The following AUTS2 variants were observed in gnomAD, a reference collection of about 807,000 sequenced individuals.
AUTS2 encodes the protein autism susceptibility gene 2 protein.
A neutral mutation model predicts 112.4 loss-of-function variants in AUTS2; 17 were observed. The ratio of observed to expected loss-of-function variants is 0.15; its 90% CI spans 0.10 to 0.23. The LOEUF (loss-of-function observed/expected upper bound fraction) is 0.23. Among genes scored for constraint, AUTS2 ranks in the 10% least tolerant of loss-of-function variants. The probability of loss-of-function intolerance (pLI) is 1.00; values close to 1 mark genes in which losing one functional copy is unlikely to be tolerated. For missense variants in AUTS2, 1,510 were observed against 1,701.6 expected (o/e 0.89, Z 1.98); for synonymous variants, 751 against 702.7 (o/e 1.07, Z -1.09).
At chr7:70,681,380 G>C (rs1394342046) in intron 5 of AUTS2, among the ~76,000 whole-genome samples, 1 of 152,118 alleles carries the variant, frequency 6.6e-6, no homozygotes, top group Non-Finnish European at 1.5e-5. Context: ...CTGTCACTTG[G>C]AGTCATTCAG....
intron 1 of AUTS2, among the ~76,000 whole-genome samples, chr7:69,811,438 A>G (rs963367909): frequency 6.6e-6 from 1 of 152,048 alleles, no homozygotes; most frequent in Non-Finnish European, 1.5e-5. Flanking sequence ...TACCCTGAAT[A>G]TCTGAATCCA....
intron 5 of AUTS2, among the ~76,000 whole-genome samples, chr7:70,692,635 C>T (rs1246977757): frequency 6.6e-6 from 1 of 152,082 alleles, no homozygotes; most frequent in African/African-American, 2.4e-5. Flanking sequence ...TTTAAAAAGA[C>T]TTGTATAACA....
At chr7:70,384,638 TC>T (rs748385096) in intron 4 of AUTS2, among the ~76,000 whole-genome samples, 3 of 152,208 alleles carry the variant, frequency 2.0e-5, no homozygotes, top group Admixed American at 6.5e-5. Flanking sequence ...TTGAGGGCTT[TC>T]CTTTGTGCCT....
intron 5 of AUTS2, among the ~76,000 whole-genome samples, chr7:70,547,323 C>T (rs1206004073): frequency 1.3e-5 from 2 of 152,154 alleles, no homozygotes; most frequent in African/African-American, 2.4e-5. Context: ...GGCGCAATCT[C>T]GGCTCACTGC....
chr7:70,738,683 G>A (rs903267380), intron 6 of AUTS2, among the ~76,000 whole-genome samples: 1 of 152,128 alleles, frequency 6.6e-6, no homozygotes, highest in African/African-American at 2.4e-5. Context: ...AATCCCGGAG[G>A]AGCGGTGACA....
At chr7:70,721,043 C>T (rs571968441) in intron 6 of AUTS2, among the ~76,000 whole-genome samples, 2 of 151,922 alleles carry the variant, frequency 1.3e-5, no homozygotes, top group Admixed American at 6.6e-5. Context: ...AAAACATTTG[C>T]TTTTCTTCAA....
At chr7:70,324,251 G>GC (rs1409053813) in intron 4 of AUTS2, among the ~76,000 whole-genome samples, 4 of 152,308 alleles carry the variant, frequency 2.6e-5, no homozygotes, top group Non-Finnish European at 5.9e-5. Context: ...TTGGCTCTCA[G>GC]CAGATGAGGG....
At chr7:70,164,870 CTGTT>C (rs1486421241) in intron 4 of AUTS2, among the ~76,000 whole-genome samples, 7 of 151,724 alleles carry the variant, frequency 4.6e-5, no homozygotes, top group Admixed American at 4.6e-4. Flanking sequence ...AAAAAGGTGA[CTGTT>C]CAAGATGTAA....
intron 2 of AUTS2, among the ~76,000 whole-genome samples, chr7:70,059,653 G>T (rs1022413399): frequency 6.6e-6 from 1 of 152,140 alleles, no homozygotes; most frequent in Admixed American, 6.5e-5. Flanking sequence ...ATTGGAGGAG[G>T]TACATCGTAC....
At chr7:70,091,111 T>A (rs1236363159) in intron 2 of AUTS2, among the ~76,000 whole-genome samples, 2 of 152,220 alleles carry the variant, frequency 1.3e-5, no homozygotes, top group Non-Finnish European at 2.9e-5. Flanking sequence ...TGATACTTTC[T>A]TTTCCCTTCT....
At chr7:70,443,832 A>C (rs1796212727) in intron 5 of AUTS2, among the ~76,000 whole-genome samples, 1 of 152,202 alleles carries the variant, frequency 6.6e-6, no homozygotes, top group Non-Finnish European at 1.5e-5. Context: ...CAGTTCATTT[A>C]ATCTGTGTTC....
At chr7:70,079,753 T>C (rs1239873302) in intron 2 of AUTS2, among the ~76,000 whole-genome samples, 1 of 152,098 alleles carries the variant, frequency 6.6e-6, no homozygotes, top group African/African-American at 2.4e-5. Context: ...ACCACAGAAA[T>C]TGGTAAACAG....
At chr7:70,479,507 C>T (rs1004880687) in intron 5 of AUTS2, among the ~76,000 whole-genome samples, 6 of 152,174 alleles carry the variant, frequency 3.9e-5, no homozygotes, top group Non-Finnish European at 7.4e-5. Context: ...CTGCCCTCCA[C>T]GAGTAGCCTA....
At chr7:70,623,923 A>C (rs17578487) in intron 5 of AUTS2, among the ~76,000 whole-genome samples, 65,897 of 152,048 alleles carry the variant, frequency 0.43, 15,076 homozygotes, top group Middle Eastern at 0.54. Flanking sequence ...CTCTTCCCTG[A>C]AATGGCAAGG....
At chr7:70,590,762 A>G (rs1166143895) in intron 5 of AUTS2, among the ~76,000 whole-genome samples, 2 of 152,222 alleles carry the variant, frequency 1.3e-5, no homozygotes, top group African/African-American at 4.8e-5. Context: ...AAAACATAAC[A>G]GATTTCCCAG....
intron 2 of AUTS2, among the ~76,000 whole-genome samples, chr7:70,006,513 A>G (rs1037228701): frequency 1.3e-5 from 2 of 152,096 alleles, no homozygotes; most frequent in African/African-American, 4.8e-5. Flanking sequence ...GAGGAGTGAA[A>G]AGCTGTTTCC....
At chr7:69,665,726 T>G (rs1281686970) in intron 1 of AUTS2, among the ~76,000 whole-genome samples, 1 of 152,240 alleles carries the variant, frequency 6.6e-6, no homozygotes, top group African/African-American at 2.4e-5. Context: ...ATAATCAGTA[T>G]TTTTGAAGTA....
chr7:70,579,393 GTTTGGCTCTTAAGGACTTTT>G (rs1242280965), intron 5 of AUTS2, among the ~76,000 whole-genome samples: 1 of 151,830 alleles, frequency 6.6e-6, no homozygotes, highest in Non-Finnish European at 1.5e-5. Context: ...GAGATGAACA[GTTTGGCTCTTAAGGACTTTT>G]TTTCTTGAGA....
intron 5 of AUTS2, among the ~76,000 whole-genome samples, chr7:70,533,622 G>T (rs1800187775): frequency 6.6e-6 from 1 of 152,208 alleles, no homozygotes. Flanking sequence ...CGTGTTTAAT[G>T]CTGTGTTATG....
Sources: gnomAD v4.1 joint callset for allele counts (sites outside exome capture counted in the v4.1 genomes callset) on GRCh38, gnomAD v4.1.1 for gene constraint, MANE v1.5 for transcripts, NCBI Gene and HGNC (gene_info 2026-07-23, HGNC 2026-07-21) for gene names.